Variants in SLC25A30 observed in about 807,000 individuals in gnomAD.
SLC25A30 encodes the protein kidney mitochondrial carrier protein 1.
Under a neutral mutation model 42.7 loss-of-function variants are expected in SLC25A30, and 29 were observed. The ratio of observed to expected loss-of-function variants is 0.68; its 90% CI spans 0.51 to 0.93. The LOEUF (loss-of-function observed/expected upper bound fraction) is 0.93. Among genes scored for constraint, SLC25A30 ranks in the 40% least tolerant of loss-of-function variants. The probability of loss-of-function intolerance (pLI) is 0.00; values close to 1 mark genes in which losing one functional copy is unlikely to be tolerated. For missense variants in SLC25A30, 300 were observed against 359.7 expected (o/e 0.83, Z 1.34); for synonymous variants, 124 against 131.0 (o/e 0.95, Z 0.37).
the SLC25A30 span, among the ~76,000 whole-genome samples, chr13:45,423,460 C>A: frequency 1.4e-4 from 19 of 137,498 alleles, no homozygotes; most frequent in South Asian, 4.5e-4. Flanking sequence ...GGTCCATGGA[C>A]CAATTTATCC....
the SLC25A30 span, among the ~76,000 whole-genome samples, chr13:45,425,417 TAA>T: frequency 3.5e-5 from 4 of 112,872 alleles, no homozygotes; most frequent in Admixed American, 1.2e-4. Context: ...TATAAATATA[TAA>T]GTATATATAA....
Position 45,402,281 on chromosome 13 carries a change from CA to C in SLC25A30, c.482del (p.Leu161ArgfsTer35). On this transcript the variant is annotated frameshift_variant, in exon 6 of 10. Transcript: ENST00000519676. LOFTEE classifies it high-confidence loss of function. Reference sequence around the variant, plus strand: ...ATCCATCCTTCTGGCTTACCTTCCACAGTCCTCTTGTCCCCTCTTGCTGGTA... The same window carrying C: ...ATCCATCCTTCTGGCTTACCTTCCACGTCCTCTTGTCCCCTCTTGCTGGTA... ...NIYQQEGTRG[L>X]WKGVSLTAQR... The C allele has an allele frequency of 6.2e-7, 1 of 1,612,464 alleles. No individual in the cohort carries two copies. Among genetic ancestry groups the C allele is most frequent in the South Asian group, 1.1e-5 (1 of 91,024 alleles).
rs1881124008 is a variant in SLC25A30, at chr13:45,393,871, A to T, written c.*2103T>A. 1 of 985,390 alleles carries T rather than the reference A, an allele frequency of 1.0e-6. No individual in the cohort carries two copies. The highest frequency in any genetic ancestry group is 1.1e-4 in the East Asian group (1 of 8,822). The allele number at this position is 985,390 out of a possible 1,614,324, so 61.0% of individuals were successfully genotyped here. ...TCCACCTTGGTAGGAACATGTATGT[A>T]ATTTGAATAAACTGGTAATAATACT... On this transcript the variant is annotated 3_prime_UTR_variant, in exon 10 of 10. Coordinates refer to ENST00000519676, the MANE Select transcript of SLC25A30 (RefSeq NM_001010875.4).
upstream of SLC25A30, chr13:45,420,166 G>C (rs1405639765): frequency 2.0e-5 from 3 of 152,194 alleles, no homozygotes; most frequent in Admixed American, 2.0e-4. Flanking sequence ...TGACAGAACA[G>C]AGGTTTCATG....
At position 45,395,748 on chromosome 13, in the gene SLC25A30, TCA is replaced by T; in HGVS notation, c.*224_*225del. ...ATTATCTTTGATGTTGAAGGGCACTTCAGTGGTAAAGACTAGTGTTTGGATGT... is the reference window on the plus strand; with the variant it reads ...ATTATCTTTGATGTTGAAGGGCACTTGTGGTAAAGACTAGTGTTTGGATGT... On this transcript the variant is annotated 3_prime_UTR_variant, in exon 10 of 10. Coordinates refer to ENST00000519676, the MANE Select transcript of SLC25A30 (RefSeq NM_001010875.4). 2.1e-6 allele frequency: 3 copies of T among 1,416,114 alleles called. No homozygotes were observed. The South Asian group carries it at 4.6e-5, about 22-fold the overall frequency. 87.7% of individuals were successfully genotyped at this position (1,416,114 alleles called of 1,614,324 possible).
chr13:45,411,529 A>T lies in SLC25A30; in HGVS notation c.-55-49T>A, dbSNP rs1022792363. On this transcript the variant is annotated intron_variant, in intron 1 of 9. Coordinates refer to ENST00000519676, the MANE Select transcript of SLC25A30 (RefSeq NM_001010875.4). ...TCAAGCTGTAACTTCTCACACAGGC[A>T]GTTTCTTCTCCAAACTCTTCCCCTA... The T allele has an allele frequency of 1.9e-5, 22 of 1,180,332 alleles. No homozygotes were observed. In the Admixed American group the frequency reaches 3.9e-4, roughly 21 times the overall value. 73.1% of individuals were successfully genotyped at this position (1,180,332 alleles called of 1,614,324 possible). A position where few individuals can be genotyped will look rare whatever the true frequency, so the allele number is the denominator to read the frequency against.
the SLC25A30 span, among the ~76,000 whole-genome samples, chr13:45,426,148 G>A: frequency 4.2e-3 from 640 of 151,292 alleles, 4 homozygotes; most frequent in African/African-American, 0.014. Context: ...GTGCAGTGGC[G>A]CCATCTCGGC....
the SLC25A30 span, among the ~76,000 whole-genome samples, chr13:45,423,561 A>G: frequency 2.1e-5 from 2 of 97,158 alleles, no homozygotes; most frequent in South Asian, 5.8e-4. Context: ...CATAAAAAAA[A>G]TATATAAATA....
At chr13:45,424,071 T>TTATATAAATATATATAAATC in the SLC25A30 span, among the ~76,000 whole-genome samples, 1 of 87,016 alleles carries the variant, frequency 1.1e-5, no homozygotes, top group African/African-American at 4.8e-5. Context: ...ATATATATAT[T>TTATATAAATATATATAAATC]TATATAAATA....
chr13:45,425,206 G>GTA, the SLC25A30 span, among the ~76,000 whole-genome samples: 4 of 97,318 alleles, frequency 4.1e-5, no homozygotes, highest in South Asian at 5.7e-4. Flanking sequence ...ATATATGTAA[G>GTA]TATATATATA....
intron 1 of SLC25A30, among the ~76,000 whole-genome samples, chr13:45,415,298 G>A (rs1883420811): frequency 6.6e-6 from 1 of 152,082 alleles, no homozygotes; most frequent in Non-Finnish European, 1.5e-5. Flanking sequence ...AGGTTTCTCT[G>A]AAGGATCACA....
At chr13:45,429,074 T>C in the SLC25A30 span, among the ~76,000 whole-genome samples, 1 of 95,434 alleles carries the variant, frequency 1.0e-5, no homozygotes, top group African/African-American at 3.4e-5. Context: ...TTTTTTTTTT[T>C]TTTTTTTTTT....
intron 7 of SLC25A30, 27 bp downstream of exon 7, chr13:45,401,056 A>T (rs781018135): frequency 3.2e-6 from 5 of 1,555,372 alleles, no homozygotes; most frequent in Non-Finnish European, 4.3e-6. Context: ...AATTTCTATA[A>T]TTTTTTAAAA....
chr13:45,414,282 A>T (rs1223117860), intron 1 of SLC25A30, among the ~76,000 whole-genome samples: 1 of 152,172 alleles, frequency 6.6e-6, no homozygotes, highest in East Asian at 1.9e-4. Flanking sequence ...AATTTGGCTT[A>T]AATATGAACT....
the SLC25A30 span, among the ~76,000 whole-genome samples, chr13:45,431,706 T>C: frequency 6.6e-6 from 1 of 151,964 alleles, no homozygotes; most frequent in Non-Finnish European, 1.5e-5. Flanking sequence ...CTTCTATCTC[T>C]AGCCCTGCTC....
At chr13:45,422,374 C>A (rs966844531), upstream of SLC25A30, among the ~76,000 whole-genome samples, 4 of 152,100 alleles carry the variant, frequency 2.6e-5, no homozygotes, top group African/African-American at 9.7e-5. Flanking sequence ...CATCTGGTCA[C>A]CTCCTCTCCT....
rs758177321 is a variant in SLC25A30, at chr13:45,394,912, CTT to C, written c.*1060_*1061del. On this transcript the variant is annotated 3_prime_UTR_variant, in exon 10 of 10. Coordinates refer to ENST00000519676, the MANE Select transcript of SLC25A30 (RefSeq NM_001010875.4). ...AACTGGAAACCTGGAAAAATCAACT[CTT>C]TGATTCACTACCAACATTTTGCTAA... 4.1e-6 allele frequency: 4 copies of C among 985,264 alleles called. No homozygotes were observed. Among genetic ancestry groups the C allele is most frequent in the East Asian group, 2.3e-4 (2 of 8,832 alleles). The allele number at this position is 985,264 out of a possible 1,614,324, so 61.0% of individuals were successfully genotyped here.
the SLC25A30 span, among the ~76,000 whole-genome samples, chr13:45,427,258 G>A: frequency 6.6e-6 from 1 of 152,068 alleles, no homozygotes; most frequent in African/African-American, 2.4e-5. Context: ...TGTCTCTCCC[G>A]AAGCATAGGA....
At position 45,393,567 on chromosome 13, in the gene SLC25A30, T is replaced by C. The variant is rs1881105235; in HGVS notation, c.*2407A>G. On this transcript the variant is annotated 3_prime_UTR_variant, in exon 10 of 10. Coordinates refer to ENST00000519676, the MANE Select transcript of SLC25A30 (RefSeq NM_001010875.4). ...ATAAGCACACAAACAAAAAAACCCA[T>C]TGGTTATAAAAACTAGAATTCCTTT... 3 of 985,336 alleles carry C rather than the reference T, an allele frequency of 3.0e-6. No individual in the cohort carries two copies. The highest frequency in any genetic ancestry group is 3.6e-6 in the Non-Finnish European group (3 of 829,896). 61.0% of individuals were successfully genotyped at this position (985,336 alleles called of 1,614,324 possible).
Sources: allele counts gnomAD v4.1 joint callset (sites outside exome capture counted in the v4.1 genomes callset), GRCh38; gene constraint gnomAD v4.1.1; transcripts MANE v1.5; gene names NCBI Gene and HGNC (gene_info 2026-07-23, HGNC 2026-07-21).